Variants in SUGCT observed in about 807,000 individuals in gnomAD.
SUGCT encodes the protein succinyl-CoA:glutarate CoA-transferase.
Under a neutral mutation model 55.0 loss-of-function variants are expected in SUGCT, and 41 were observed. The observed-to-expected ratio is 0.74, with a 90% CI of 0.58 to 0.97. The LOEUF (loss-of-function observed/expected upper bound fraction) is 0.97, where lower values mean the gene tolerates loss of function less well. SUGCT is among the 50% of genes least tolerant of loss of function. SUGCT has a pLI of 0.00. For synonymous variants in SUGCT, 187 were observed against 200.4 expected (o/e 0.93, Z 0.56); for missense variants, 568 against 547.8 (o/e 1.04, Z -0.37).
chr7:40,910,025 A>G, the SUGCT span, among the ~76,000 whole-genome samples: 1 of 152,058 alleles, frequency 6.6e-6, no homozygotes, highest in Non-Finnish European at 1.5e-5. Context: ...CAGGGAGAAC[A>G]TCCAGAGTTG....
At chr7:40,517,026 G>A (rs1467241743) in intron 12 of SUGCT, among the ~76,000 whole-genome samples, 1 of 151,806 alleles carries the variant, frequency 6.6e-6, no homozygotes. Context: ...GCAATTTTTA[G>A]TAAGTAAGTC....
intron 12 of SUGCT, among the ~76,000 whole-genome samples, chr7:40,683,137 G>A (rs896076001): frequency 1.3e-5 from 2 of 151,624 alleles, no homozygotes; most frequent in African/African-American, 2.4e-5. Flanking sequence ...ACTTTTTTCT[G>A]TAAATAGAAA....
At chr7:40,533,899 T>C (rs1392930895) in intron 12 of SUGCT, among the ~76,000 whole-genome samples, 1 of 152,146 alleles carries the variant, frequency 6.6e-6, no homozygotes, top group Non-Finnish European at 1.5e-5. Context: ...TTTTTACAGA[T>C]GTACACAAAT....
chr7:40,295,845 A>G (rs546888232), intron 8 of SUGCT, among the ~76,000 whole-genome samples: 1 of 152,058 alleles, frequency 6.6e-6, no homozygotes, highest in African/African-American at 2.4e-5. Context: ...ACACCCCCTT[A>G]TCTCTCCTCT....
At chr7:40,721,391 C>G (rs1786329205) in intron 12 of SUGCT, among the ~76,000 whole-genome samples, 1 of 152,068 alleles carries the variant, frequency 6.6e-6, no homozygotes, top group Admixed American at 6.5e-5. Context: ...TATATTTAAG[C>G]CTTTTGAATA....
Position 40,557,771 on chromosome 7 carries a change from TAA to T in SUGCT, c.1089+61399_1089+61400del, listed in dbSNP as rs34029032. On this transcript the variant is annotated intron_variant, in intron 12 of 13. Coordinates refer to ENST00000335693, the MANE Select transcript of SUGCT (RefSeq NM_001193313.2). ...CTAGGTGACAGAGTGAGACTCTGTC[TAA>T]AAAAAAAAAAAAAGAAAAAAGAAAA... Among the ~76,000 whole-genome samples the T allele has an allele frequency of 5.9e-3, 687 of 115,750 alleles. 5 individuals are homozygous for T. The highest frequency in any genetic ancestry group is 0.019 in the East Asian group (72 of 3,848). The allele number at this position is 115,750 out of a possible 152,430, so 75.9% of individuals were successfully genotyped here.
chr7:40,364,699 G>A (rs1783834011), intron 9 of SUGCT, among the ~76,000 whole-genome samples: 1 of 152,070 alleles, frequency 6.6e-6, no homozygotes, highest in South Asian at 2.1e-4. Flanking sequence ...TAGTCTGATG[G>A]GCTTCCCTTT....
At chr7:40,253,610 T>C (rs1177075708) in intron 7 of SUGCT, among the ~76,000 whole-genome samples, 1 of 152,160 alleles carries the variant, frequency 6.6e-6, no homozygotes, top group Non-Finnish European at 1.5e-5. Context: ...TTGCCCAGGC[T>C]GGAGTGCAGT....
rs918774348 is a variant in SUGCT, at chr7:40,716,971, A to C, written c.1090-32463A>C. ...GAAAAATGTGCCTTTTGGGATCAACAAAGTATAGTAGAAAACTAGAAAAAA... is the reference window on the plus strand; with the variant it reads ...GAAAAATGTGCCTTTTGGGATCAACCAAGTATAGTAGAAAACTAGAAAAAA... On this transcript the variant is annotated intron_variant, in intron 12 of 13. Coordinates refer to ENST00000335693, the MANE Select transcript of SUGCT (RefSeq NM_001193313.2). Among the ~76,000 whole-genome samples the C allele has an allele frequency of 4.4e-4, 67 of 152,320 alleles. 1 individual carries two copies. Among genetic ancestry groups the C allele is most frequent in the Non-Finnish European group, 5.9e-5 (4 of 68,034 alleles).
intron 13 of SUGCT, among the ~76,000 whole-genome samples, chr7:40,788,310 T>C (rs1790136294): frequency 6.6e-6 from 1 of 152,024 alleles, no homozygotes; most frequent in Admixed American, 6.5e-5. Flanking sequence ...CTCATAACAC[T>C]CAAAATGTCC....
chr7:40,416,488 G>A (rs1033515330), intron 9 of SUGCT, among the ~76,000 whole-genome samples: 27 of 151,736 alleles, frequency 1.8e-4, no homozygotes, highest in African/African-American at 6.3e-4. Flanking sequence ...AAATATGCCT[G>A]CATTTTATCA....
At chr7:40,966,028 TA>T in the SUGCT span, 1 of 152,198 alleles carries the variant, frequency 6.6e-6, no homozygotes, top group African/African-American at 2.4e-5. Context: ...AAACCCTTTT[TA>T]AAAAAATAAG....
chr7:40,595,305 C>T (rs1486627165), intron 12 of SUGCT, among the ~76,000 whole-genome samples: 1 of 152,166 alleles, frequency 6.6e-6, no homozygotes, highest in Non-Finnish European at 1.5e-5. Context: ...TCTTTCCATT[C>T]CCTTCTTCCC....
intron 12 of SUGCT, among the ~76,000 whole-genome samples, chr7:40,509,376 A>G (rs1181964967): frequency 6.6e-6 from 1 of 152,118 alleles, no homozygotes; most frequent in East Asian, 1.9e-4. Flanking sequence ...AGGAGATCAC[A>G]AAGGGAAAAA....
At chr7:40,519,934 A>G (rs1304464732) in intron 12 of SUGCT, among the ~76,000 whole-genome samples, 1 of 152,096 alleles carries the variant, frequency 6.6e-6, no homozygotes, top group Admixed American at 6.6e-5. Context: ...TCAACTGCTC[A>G]TTTATTCCAG....
intron 12 of SUGCT, among the ~76,000 whole-genome samples, chr7:40,637,707 A>G (rs1012986687): frequency 6.6e-6 from 1 of 152,082 alleles, no homozygotes; most frequent in Non-Finnish European, 1.5e-5. Flanking sequence ...TCATGTATTT[A>G]CCTCTCTTGT....
In SUGCT at chr7:40,747,195, T is replaced by G. The variant is rs146217415; in HGVS notation, c.1090-2239T>G. ...AAGAAAGCATCTCTGTGTGGTGTGTTATCATCCTCAATGAGGGAGGTTGAC... is the reference window on the plus strand; with the variant it reads ...AAGAAAGCATCTCTGTGTGGTGTGTGATCATCCTCAATGAGGGAGGTTGAC... On this transcript the variant is annotated intron_variant, in intron 12 of 13. Transcript: ENST00000335693. Among the ~76,000 whole-genome samples, 246 of 152,300 alleles carry G rather than the reference T, an allele frequency of 1.6e-3. 2 individuals carry two copies. The highest frequency in any genetic ancestry group is 5.6e-3 in the African/African-American group (234 of 41,570).
intron 9 of SUGCT, among the ~76,000 whole-genome samples, chr7:40,339,849 C>A (rs1796948114): frequency 6.6e-6 from 1 of 152,196 alleles, no homozygotes. Context: ...ACGCTGGGAG[C>A]TGTAGACTGG....
chr7:40,805,364 C>A (rs1791037716), intron 13 of SUGCT, among the ~76,000 whole-genome samples: 1 of 152,080 alleles, frequency 6.6e-6, no homozygotes, highest in African/African-American at 2.4e-5. Context: ...AGTTCTCATG[C>A]AATTTTCATT....
Sources: allele counts gnomAD v4.1 joint callset (sites outside exome capture counted in the v4.1 genomes callset), GRCh38; gene constraint gnomAD v4.1.1; transcripts MANE v1.5; gene names NCBI Gene and HGNC (gene_info 2026-07-23, HGNC 2026-07-21).